Variants in PTPRK observed in about 807,000 individuals in gnomAD.
PTPRK encodes receptor-type tyrosine-protein phosphatase kappa.
In PTPRK, 75 loss-of-function variants were observed where a neutral mutation model predicts 178.0. The ratio of observed to expected loss-of-function variants is 0.42; its 90% CI spans 0.35 to 0.51. PTPRK has a LOEUF of 0.51. Among genes scored for constraint, PTPRK ranks in the 20% least tolerant of loss-of-function variants. PTPRK has a pLI of 0.02. For synonymous variants in PTPRK, 637 were observed against 620.6 expected (o/e 1.03, Z -0.39); for missense variants, 1,441 against 1,797.8 (o/e 0.80, Z 3.59).
intron 3 of PTPRK, among the ~76,000 whole-genome samples, chr6:128,301,071 T>A (rs555190887): frequency 6.6e-6 from 1 of 152,272 alleles, no homozygotes; most frequent in Non-Finnish European, 1.5e-5. Flanking sequence ...TGACCCATTG[T>A]TACATTTTAA....
At chr6:128,417,807 CA>C (rs1843004902) in intron 1 of PTPRK, among the ~76,000 whole-genome samples, 1 of 152,104 alleles carries the variant, frequency 6.6e-6, no homozygotes, top group South Asian at 2.1e-4. Context: ...AGCAGAATTC[CA>C]CAGGGAATCT....
intron 5 of PTPRK, among the ~76,000 whole-genome samples, chr6:128,222,137 C>A (rs948355025): frequency 6.6e-6 from 1 of 152,202 alleles, no homozygotes; most frequent in Non-Finnish European, 1.5e-5. Context: ...TTCTCTTGCA[C>A]ATGTCCACAC....
At chr6:128,441,602 G>A (rs995663961) in intron 1 of PTPRK, among the ~76,000 whole-genome samples, 1 of 152,120 alleles carries the variant, frequency 6.6e-6, no homozygotes, top group African/African-American at 2.4e-5. Flanking sequence ...TCTAGATAGT[G>A]TAGAAAAAAG....
intron 1 of PTPRK, chr6:128,500,696 T>C (rs2128437056): frequency 6.6e-6 from 1 of 152,310 alleles, no homozygotes. Flanking sequence ...CTGAATATTA[T>C]TTGTCTCTAT....
chr6:128,319,879 TCAAA>T (rs1399386678), intron 3 of PTPRK, among the ~76,000 whole-genome samples: 2 of 152,148 alleles, frequency 1.3e-5, no homozygotes, highest in South Asian at 2.1e-4. Flanking sequence ...GATAAAAACA[TCAAA>T]CAAGTAATTT....
At chr6:127,991,226 G>A in intron 20 of PTPRK, 68 bp downstream of exon 20, 1 of 1,185,006 alleles carries the variant, frequency 8.4e-7, no homozygotes. Context: ...TCTATTTTGA[G>A]TGTCTTACAT....
intron 7 of PTPRK, among the ~76,000 whole-genome samples, chr6:128,122,355 A>G (rs976506914): frequency 6.6e-6 from 1 of 152,158 alleles, no homozygotes; most frequent in Non-Finnish European, 1.5e-5. Flanking sequence ...AGATAAGAGT[A>G]TATTAGAAGA....
At chr6:128,035,552 A>G (rs1041348307) in intron 13 of PTPRK, among the ~76,000 whole-genome samples, 2 of 152,202 alleles carry the variant, frequency 1.3e-5, no homozygotes, top group African/African-American at 4.8e-5. Flanking sequence ...AAAATATATC[A>G]TATTTCCAAG....
intron 7 of PTPRK, among the ~76,000 whole-genome samples, chr6:128,093,150 A>G (rs1174203778): frequency 6.6e-6 from 1 of 152,116 alleles, no homozygotes; most frequent in East Asian, 1.9e-4. Context: ...CTCCTCCTCA[A>G]TTTCCGATTT....
At chr6:128,395,779 C>T (rs576337964) in intron 2 of PTPRK, among the ~76,000 whole-genome samples, 17 of 152,260 alleles carry the variant, frequency 1.1e-4, no homozygotes, top group African/African-American at 3.8e-4. Flanking sequence ...GTCAACCACA[C>T]AGTTCCAGTT....
At chr6:128,364,030 T>C (rs1835130460) in intron 2 of PTPRK, among the ~76,000 whole-genome samples, 1 of 152,108 alleles carries the variant, frequency 6.6e-6, no homozygotes, top group Non-Finnish European at 1.5e-5. Context: ...GAACCAAAAC[T>C]ATAAGAGTTA....
intron 9 of PTPRK, among the ~76,000 whole-genome samples, chr6:128,083,486 CA>C (rs549345211): frequency 2.0e-3 from 301 of 152,006 alleles, no homozygotes; most frequent in African/African-American, 6.8e-3. Context: ...AAAACAGCAA[CA>C]AAAAACATGC....
intron 7 of PTPRK, among the ~76,000 whole-genome samples, chr6:128,102,888 T>C (rs1487420956): frequency 1.3e-5 from 2 of 152,152 alleles, no homozygotes; most frequent in Non-Finnish European, 2.9e-5. Flanking sequence ...TTCCTTCATC[T>C]TGATATAGAC....
rs955479930 is a variant in PTPRK, at chr6:128,342,907, C to T, written c.224-20597G>A. Among the ~76,000 whole-genome samples, 81 of 151,300 alleles carry T rather than the reference C, an allele frequency of 5.4e-4. 1 individual carries two copies. The highest frequency in any genetic ancestry group is 3.4e-3 in the Middle Eastern group (1 of 292). On this transcript the variant is annotated intron_variant, in intron 2 of 29. Coordinates refer to ENST00000368226, the MANE Select transcript of PTPRK (RefSeq NM_002844.4). ...TTTGAATCCAGCCTGGGCAACATAG[C>T]AAGGCCTCATTTCTAAAAAAAAACA... is the stretch of plus-strand genomic sequence containing the variant.
chr6:127,993,700 T>C (rs1201026206), intron 18 of PTPRK, among the ~76,000 whole-genome samples: 1 of 151,710 alleles, frequency 6.6e-6, no homozygotes, highest in South Asian at 2.1e-4. Flanking sequence ...CAATGTTTTA[T>C]GGAAAAATTT....
chr6:128,459,752 A>G (rs899187247), intron 1 of PTPRK, among the ~76,000 whole-genome samples: 1 of 152,226 alleles, frequency 6.6e-6, no homozygotes, highest in Admixed American at 6.5e-5. Context: ...ATGGGAAAAG[A>G]TTCAAAGAGG....
intron 2 of PTPRK, among the ~76,000 whole-genome samples, chr6:128,361,660 A>G (rs1456813782): frequency 2.0e-5 from 3 of 152,120 alleles, no homozygotes; most frequent in African/African-American, 7.2e-5. Context: ...ATGGTGCTGT[A>G]CTGAATACTG....
intron 7 of PTPRK, among the ~76,000 whole-genome samples, chr6:128,134,188 G>A (rs761987057): frequency 6.6e-6 from 1 of 152,038 alleles, no homozygotes; most frequent in Non-Finnish European, 1.5e-5. Context: ...ACATACTTAT[G>A]TATTTATAGC....
Position 128,519,204 on chromosome 6 carries a change from C to G in PTPRK, c.100+1055G>C, listed in dbSNP as rs2128447620. 2 of 450,912 alleles carry G rather than the reference C, an allele frequency of 4.4e-6. No homozygotes were observed. The highest frequency in any genetic ancestry group is 1.6e-5 in the South Asian group (1 of 63,012). 27.9% of individuals were successfully genotyped at this position (450,912 alleles called of 1,614,324 possible). A position where few individuals can be genotyped will look rare whatever the true frequency, so the allele number is the denominator to read the frequency against. On this transcript the variant is annotated intron_variant, in intron 1 of 29. Coordinates refer to ENST00000368226, the MANE Select transcript of PTPRK (RefSeq NM_002844.4). This position sits in a 1 kb window ranked among gnomAD's most constrained non-coding sequence, Gnocchi z 4.3. ...GGAGGTAGACAAGTGCTCGGGAGCCCGCTCCCCAGCGTCCACCTGGTGAAA... is the reference window on the plus strand; with the variant it reads ...GGAGGTAGACAAGTGCTCGGGAGCCGGCTCCCCAGCGTCCACCTGGTGAAA...
Sources: gnomAD v4.1 joint callset for allele counts (sites outside exome capture counted in the v4.1 genomes callset) on GRCh38, gnomAD v4.1.1 for gene constraint, Gnocchi (gnomAD v3.1) non-coding constraint, MANE v1.5 for transcripts, NCBI Gene and HGNC (gene_info 2026-07-23, HGNC 2026-07-21) for gene names.